The following RNF180 variants were observed in gnomAD, a reference collection of about 807,000 sequenced individuals.
RNF180 encodes the protein E3 ubiquitin-protein ligase RNF180.
RNF180 carries 38 observed loss-of-function variants against 59.2 expected under a neutral mutation model. That is an observed-to-expected ratio of 0.64 (90% CI 0.50 to 0.84). The LOEUF (loss-of-function observed/expected upper bound fraction) is 0.84. RNF180 is among the 40% of genes least tolerant of loss of function. The pLI is 0.00. For missense variants in RNF180, 705 were observed against 700.9 expected, an observed-to-expected ratio of 1.01 and a Z score of -0.07; for synonymous variants, 262 against 240.3, an observed-to-expected ratio of 1.09 and a Z score of -0.84.
At chr5:64,351,728 C>G (rs1362651419) in intron 7 of RNF180, among the ~76,000 whole-genome samples, 2 of 151,580 alleles carry the variant, frequency 1.3e-5, no homozygotes, top group Non-Finnish European at 3.0e-5. Context: ...GTATGTTGAA[C>G]CAGCCTTGCA....
At chr5:64,322,602 C>CCTGTGTGT (rs3221373) in intron 5 of RNF180, among the ~76,000 whole-genome samples, 1 of 143,428 alleles carries the variant, frequency 7.0e-6, no homozygotes, top group Non-Finnish European at 1.5e-5. Flanking sequence ...TATATATATA[C>CCTGTGTGT]GTGTGTGTGT....
At chr5:64,368,935 T>C (rs949047783) in intron 7 of RNF180, among the ~76,000 whole-genome samples, 2 of 152,048 alleles carry the variant, frequency 1.3e-5, no homozygotes, top group Admixed American at 6.6e-5. Context: ...AGAAATACCA[T>C]TTGACCCAGC....
At chr5:64,319,744 T>C (rs890244666) in intron 5 of RNF180, among the ~76,000 whole-genome samples, 3 of 152,208 alleles carry the variant, frequency 2.0e-5, no homozygotes, top group African/African-American at 7.2e-5. Context: ...TCCCTTTTAA[T>C]AGGTGAGTGA....
chr5:64,175,885 T>A (rs950825291), intron 1 of RNF180, among the ~76,000 whole-genome samples: 1 of 152,214 alleles, frequency 6.6e-6, no homozygotes, highest in Admixed American at 6.5e-5. Flanking sequence ...GATTGCATTC[T>A]TGGTTTCTTT....
intron 1 of RNF180, among the ~76,000 whole-genome samples, chr5:64,190,028 C>T (rs1751061716): frequency 1.3e-5 from 2 of 152,130 alleles, no homozygotes; most frequent in Non-Finnish European, 2.9e-5. Flanking sequence ...GCTGTTTCTT[C>T]CTCAGTTTGA....
rs573643951 is a variant in RNF180 at position 64,285,799 on chromosome 5, G to A, written c.1228-39387G>A. Among the ~76,000 whole-genome samples the A allele has an allele frequency of 6.1e-4, 93 of 152,260 alleles. 2 individuals carry two copies. The South Asian group carries it at 0.019, about 31-fold the overall frequency. On this transcript the variant is annotated intron_variant, in intron 5 of 7. Transcript: ENST00000389100. ...ATGCTAAAGCCACCTTGAAGAGCAT[G>A]GTGAGCCTTGGGGAAGGGACATCCC...
intron 5 of RNF180, among the ~76,000 whole-genome samples, chr5:64,245,180 A>G (rs143181540): frequency 1.1e-4 from 17 of 152,354 alleles, no homozygotes; most frequent in Admixed American, 3.3e-4. Flanking sequence ...AACTGCAACA[A>G]CTAATGACAC....
At chr5:64,195,381 A>G (rs1336152866) in intron 1 of RNF180, among the ~76,000 whole-genome samples, 1 of 152,220 alleles carries the variant, frequency 6.6e-6, no homozygotes, top group African/African-American at 2.4e-5. Context: ...TAGTAAGCAA[A>G]TTGTTATTAA....
At chr5:64,227,531 G>A (rs1448440669) in intron 5 of RNF180, among the ~76,000 whole-genome samples, 1 of 152,178 alleles carries the variant, frequency 6.6e-6, no homozygotes, top group Non-Finnish European at 1.5e-5. Flanking sequence ...CTGACAGTGG[G>A]GCCTGGCCTC....
At chr5:64,355,080 A>G (rs1328763769) in intron 7 of RNF180, among the ~76,000 whole-genome samples, 2 of 151,856 alleles carry the variant, frequency 1.3e-5, no homozygotes, top group Non-Finnish European at 2.9e-5. Context: ...GAACAATTTG[A>G]TTTAAAAATA....
intron 5 of RNF180, among the ~76,000 whole-genome samples, chr5:64,321,778 C>T (rs945866799): frequency 1.3e-5 from 2 of 152,172 alleles, no homozygotes; most frequent in African/African-American, 4.8e-5. Context: ...TACAAGGCTA[C>T]AGTAACCAAA....
chr5:64,228,766 T>C (rs1388614640), intron 5 of RNF180, among the ~76,000 whole-genome samples: 2 of 152,060 alleles, frequency 1.3e-5, no homozygotes, highest in African/African-American at 4.8e-5. Context: ...ACCTTTGTTC[T>C]CCTTGTAAAG....
chr5:64,236,250 G>C (rs547256156), intron 5 of RNF180, among the ~76,000 whole-genome samples: 1 of 152,334 alleles, frequency 6.6e-6, no homozygotes, highest in East Asian at 1.9e-4. Flanking sequence ...CTGGGAACTG[G>C]AGTAAAGGTC....
intron 5 of RNF180, among the ~76,000 whole-genome samples, chr5:64,219,871 G>A (rs1158813659): frequency 1.3e-5 from 2 of 152,114 alleles, no homozygotes; most frequent in Non-Finnish European, 2.9e-5. Context: ...GAAACTACCT[G>A]AGCCTGGAGA....
At chr5:64,273,808 C>T (rs1741565716) in intron 5 of RNF180, among the ~76,000 whole-genome samples, 1 of 151,748 alleles carries the variant, frequency 6.6e-6, no homozygotes, top group Admixed American at 6.6e-5. Context: ...ATGTGAGAAG[C>T]CACTAGAGAC....
intron 5 of RNF180, among the ~76,000 whole-genome samples, chr5:64,255,243 G>A (rs1487472610): frequency 6.6e-6 from 1 of 152,088 alleles, no homozygotes; most frequent in Non-Finnish European, 1.5e-5. Flanking sequence ...TAGGGTACAT[G>A]TGCACAACGT....
At chr5:64,361,637 G>A (rs139942579) in intron 7 of RNF180, among the ~76,000 whole-genome samples, 75 of 151,518 alleles carry the variant, frequency 4.9e-4, no homozygotes, top group African/African-American at 1.6e-3. Flanking sequence ...ATGAACTATA[G>A]CATAGTTAAA....
intron 1 of RNF180, among the ~76,000 whole-genome samples, chr5:64,168,658 C>A (rs1290469615): frequency 1.3e-5 from 2 of 152,016 alleles, no homozygotes; most frequent in African/African-American, 2.4e-5. Context: ...AAATTTAAAT[C>A]TTTGTAACAA....
chr5:64,350,925 G>C (rs1311656796), intron 7 of RNF180, among the ~76,000 whole-genome samples: 1 of 152,064 alleles, frequency 6.6e-6, no homozygotes, highest in Non-Finnish European at 1.5e-5. Flanking sequence ...CTTTAAAGTA[G>C]TTTTTTCCAA....
Sources: allele counts gnomAD v4.1 joint callset (sites outside exome capture counted in the v4.1 genomes callset), GRCh38; gene constraint gnomAD v4.1.1; transcripts MANE v1.5; gene names NCBI Gene and HGNC (gene_info 2026-07-23, HGNC 2026-07-21).